The following ZFHX4 variants were observed in gnomAD, a reference collection of about 807,000 sequenced individuals.
ZFHX4 encodes the protein zinc finger homeobox protein 4.
Under a neutral mutation model 267.6 loss-of-function variants are expected in ZFHX4, and 56 were observed. The ratio of observed to expected loss-of-function variants is 0.21; its 90% CI spans 0.17 to 0.26. The LOEUF is 0.26. Ranked by LOEUF, ZFHX4 falls within the 10% of genes least tolerant of loss-of-function variation. The probability of loss-of-function intolerance (pLI) is 1.00; values close to 1 mark genes in which losing one functional copy is unlikely to be tolerated. For synonymous variants in ZFHX4, 1,778 were observed against 1,665.6 expected, an observed-to-expected ratio of 1.07 and a Z score of -1.64; for missense variants, 4,332 against 4,420.0, an observed-to-expected ratio of 0.98 and a Z score of 0.56.
chr8:76,719,281 A>G (rs1403864892), intron 3 of ZFHX4, among the ~76,000 whole-genome samples: 1 of 151,708 alleles, frequency 6.6e-6, no homozygotes, highest in Non-Finnish European at 1.5e-5. Flanking sequence ...AATGCCCTGT[A>G]TTTTGTTTTA....
At chr8:76,711,753 A>C (rs897176944) in intron 3 of ZFHX4, among the ~76,000 whole-genome samples, 2 of 152,180 alleles carry the variant, frequency 1.3e-5, no homozygotes, top group African/African-American at 4.8e-5. Context: ...TAAAGAGTCT[A>C]GTAAAAAGAT....
chr8:76,839,024 G>C (rs2733736), intron 5 of ZFHX4, among the ~76,000 whole-genome samples: 84,050 of 146,772 alleles, frequency 0.57, 25,419 homozygotes, highest in African/African-American at 0.8. Context: ...TGCATTCCAG[G>C]CTGAGCAACA....
At chr8:76,691,989 G>A (rs1376167919) in intron 1 of ZFHX4, among the ~76,000 whole-genome samples, 1 of 152,080 alleles carries the variant, frequency 6.6e-6, no homozygotes, top group African/African-American at 2.4e-5. Context: ...GAAAGGAGTA[G>A]TATCCTTCTT....
At chr8:76,711,855 G>A (rs752023298) in intron 3 of ZFHX4, among the ~76,000 whole-genome samples, 1 of 152,142 alleles carries the variant, frequency 6.6e-6, no homozygotes, top group South Asian at 2.1e-4. Flanking sequence ...TTTGTTCTTG[G>A]CTCAGTATGG....
intron 1 of ZFHX4, among the ~76,000 whole-genome samples, chr8:76,690,726 G>GAC (rs151254583): frequency 1.7e-4 from 25 of 150,776 alleles, no homozygotes; most frequent in African/African-American, 3.4e-4. Context: ...TATACAGACA[G>GAC]ACACACACAC....
At chr8:76,763,938 G>A (rs1373997812) in intron 3 of ZFHX4, among the ~76,000 whole-genome samples, 2 of 152,054 alleles carry the variant, frequency 1.3e-5, no homozygotes, top group Admixed American at 1.3e-4. Flanking sequence ...TAATTCTGAT[G>A]TTTTTATTAC....
chr8:76,688,604 A>G (rs547605408), intron 1 of ZFHX4, among the ~76,000 whole-genome samples: 24 of 152,242 alleles, frequency 1.6e-4, no homozygotes, highest in African/African-American at 5.3e-4. Context: ...TCAGTTGACA[A>G]TGTGATCAAC....
intron 4 of ZFHX4, among the ~76,000 whole-genome samples, chr8:76,831,134 G>A (rs193230276): frequency 1.3e-5 from 2 of 152,138 alleles, no homozygotes; most frequent in African/African-American, 2.4e-5. Context: ...AGGATTACAC[G>A]ATGGTTTCTA....
chr8:76,855,785 C>T lies in ZFHX4; in HGVS notation c.8864C>T (p.Thr2955Ile). 1.2e-6 allele frequency: 2 copies of T among 1,613,936 alleles called. No homozygotes were observed. The highest frequency in any genetic ancestry group is 1.7e-6 in the Non-Finnish European group (2 of 1,179,870). The stretch of plus-strand genomic sequence containing the variant: ...TGCTTTAGTGACTACCGAACTCCAA[C>T]CATGCAAGAATGTGAAATGTTAGGG... ...KACFSDYRTPTMQECEMLGNE... is the reference protein window; with the variant it reads ...KACFSDYRTPIMQECEMLGNE... Residue 2955 changes from threonine to isoleucine, a missense_variant, in exon 10 of 11, where the codon ACC becomes ATC. By Grantham distance (89) the Thr-to-Ile change is moderately conservative. Coordinates refer to ENST00000651372, the MANE Select transcript of ZFHX4 (RefSeq NM_024721.5).
At chr8:76,682,294 C>T (rs981993944) in intron 1 of ZFHX4, among the ~76,000 whole-genome samples, 2 of 152,212 alleles carry the variant, frequency 1.3e-5, no homozygotes, top group African/African-American at 4.8e-5. Flanking sequence ...ACCACCCGCC[C>T]CTCTTCCCCT....
At position 76,855,922 on chromosome 8, in the gene ZFHX4, G is replaced by A. The variant is rs772582651; in HGVS notation, c.9001G>A (p.Gly3001Arg). 33 of 1,613,736 alleles carry A rather than the reference G, an allele frequency of 2.0e-5. No homozygotes were observed. In the South Asian group the frequency reaches 2.1e-4, roughly 10 times the overall value. Residue 3001 changes from glycine (G) to arginine (R), a missense_variant, in exon 10 of 11, where the codon GGA becomes AGA. Gly to Arg is a moderately radical substitution (Grantham distance 125, BLOSUM62 -2). This residue lies in a region of ZFHX4 where 1,648 missense variants were observed against 1,625.0 expected (regional missense o/e 1.01). Transcript: ENST00000651372. Reference protein sequence around the residue: ...IGKPFMINQGGTEGTKPECTL... With the variant: ...IGKPFMINQGRTEGTKPECTL... ...GAAGCCTTTCATGATCAATCAAGGC[G>A]GAACGGAAGGCACCAAACCAGAGTG... is the stretch of plus-strand genomic sequence containing the variant.
rs1812456934 is a variant in ZFHX4, at chr8:76,849,593, C to A, written c.3727C>A (p.Gln1243Lys). 1 of 1,613,868 alleles carries A rather than the reference C, an allele frequency of 6.2e-7. No homozygotes were observed. The highest frequency in any genetic ancestry group is 8.5e-7 in the Non-Finnish European group (1 of 1,179,878). Residue 1243 changes from glutamine to lysine, a missense_variant, in exon 8 of 11, where the codon CAG (glutamine) becomes AAG (lysine). Gln to Lys is a moderately conservative substitution (Grantham distance 53). Coordinates refer to ENST00000651372, the MANE Select transcript of ZFHX4 (RefSeq NM_024721.5). ...QMHVLSQHSVQPVICCPLCQD... is the reference protein window; with the variant it reads ...QMHVLSQHSVKPVICCPLCQD... ...GCACGTCCTATCACAGCACTCGGTG[C>A]AGCCGGTCATCTGCTGTCCTCTCTG...
chr8:76,807,896 T>C (rs1811283416), intron 4 of ZFHX4, among the ~76,000 whole-genome samples: 1 of 152,156 alleles, frequency 6.6e-6, no homozygotes, highest in African/African-American at 2.4e-5. Flanking sequence ...ATCCATACTA[T>C]ATAATAGTTT....
At chr8:76,746,032 T>C (rs1809450574) in intron 3 of ZFHX4, among the ~76,000 whole-genome samples, 2 of 152,210 alleles carry the variant, frequency 1.3e-5, no homozygotes, top group South Asian at 4.1e-4. Context: ...TGGTAACATA[T>C]CTGTAGGGTG....
intron 3 of ZFHX4, among the ~76,000 whole-genome samples, chr8:76,748,842 C>A (rs1307430881): frequency 6.6e-6 from 1 of 152,218 alleles, no homozygotes; most frequent in Non-Finnish European, 1.5e-5. Flanking sequence ...TTTTTATCCA[C>A]TGTTTTTATT....
intron 6 of ZFHX4, among the ~76,000 whole-genome samples, chr8:76,846,853 G>A (rs529259881): frequency 1.3e-5 from 2 of 152,134 alleles, no homozygotes; most frequent in South Asian, 2.1e-4. Flanking sequence ...GATCCAAAGG[G>A]CCTGCAAGCA....
intron 4 of ZFHX4, among the ~76,000 whole-genome samples, chr8:76,800,808 G>T (rs998639796): frequency 6.6e-6 from 1 of 152,156 alleles, no homozygotes; most frequent in Non-Finnish European, 1.5e-5. Context: ...GAAAAAACAA[G>T]CAGTGAGTTA....
intron 4 of ZFHX4, among the ~76,000 whole-genome samples, chr8:76,779,258 G>A (rs569256647): frequency 3.9e-5 from 6 of 152,190 alleles, no homozygotes; most frequent in Admixed American, 6.5e-5. Context: ...TAAAAAGTCC[G>A]TTTTCCCTTT....
chr8:76,785,112 T>C (rs971751388), intron 4 of ZFHX4, among the ~76,000 whole-genome samples: 1 of 152,024 alleles, frequency 6.6e-6, no homozygotes, highest in Non-Finnish European at 1.5e-5. Flanking sequence ...AGGGCAAAAA[T>C]ATAATTAAAT....
Sources: allele counts gnomAD v4.1 joint callset (sites outside exome capture counted in the v4.1 genomes callset), GRCh38; gene constraint gnomAD v4.1.1; regional missense constraint gnomAD v4.1.1; transcripts MANE v1.5; gene names NCBI Gene and HGNC (gene_info 2026-07-23, HGNC 2026-07-21).